The following CHD6 variants were observed in gnomAD, a reference collection of about 807,000 sequenced individuals.
The protein encoded by CHD6 is chromodomain helicase DNA binding protein 6, also known as ATP-dependent chromatin remodeler CHD6.
CHD6 carries 50 observed loss-of-function variants against 276.9 expected under a neutral mutation model. The observed-to-expected ratio is 0.18, with a 90% confidence interval of 0.14 to 0.23. The LOEUF (loss-of-function observed/expected upper bound fraction) is 0.23, where lower values mean the gene tolerates loss of function less well. CHD6 is among the 10% of genes least tolerant of loss of function. CHD6 has a pLI of 1.00. For synonymous variants in CHD6, 1,173 were observed against 1,229.3 expected, an observed-to-expected ratio of 0.95 and a Z score of 0.96; for missense variants, 2,564 against 3,365.8, an observed-to-expected ratio of 0.76 and a Z score of 5.89.
At chr20:41,614,082 A>G (rs1294790347) in intron 1 of CHD6, among the ~76,000 whole-genome samples, 1 of 152,184 alleles carries the variant, frequency 6.6e-6, no homozygotes, top group Admixed American at 6.5e-5. Context: ...TATATTAAAA[A>G]TTTAACTACT....
chr20:41,434,883 C>A (rs1377967465), intron 27 of CHD6, among the ~76,000 whole-genome samples: 1 of 152,184 alleles, frequency 6.6e-6, no homozygotes, highest in African/African-American at 2.4e-5. Context: ...ACCTAGTCAA[C>A]ATTTATGAAA....
intron 29 of CHD6, among the ~76,000 whole-genome samples, chr20:41,424,037 A>G (rs1410718249): frequency 6.6e-6 from 1 of 151,932 alleles, no homozygotes; most frequent in Non-Finnish European, 1.5e-5. Flanking sequence ...GATGATGAAG[A>G]TTTTTAAAAT....
At chr20:41,476,579 G>A (rs989059670) in intron 16 of CHD6, among the ~76,000 whole-genome samples, 1 of 152,148 alleles carries the variant, frequency 6.6e-6, no homozygotes, top group African/African-American at 2.4e-5. Context: ...AAAATACTTA[G>A]GATTTAATTC....
At chr20:41,558,381 C>T (rs146537181) in intron 1 of CHD6, among the ~76,000 whole-genome samples, 2 of 152,206 alleles carry the variant, frequency 1.3e-5, no homozygotes, top group African/African-American at 2.4e-5. Context: ...CAATCTATGG[C>T]GTCTGCCACA....
intron 26 of CHD6, among the ~76,000 whole-genome samples, chr20:41,438,809 GTCATATGGGCC>G (rs1409665290): frequency 6.6e-6 from 1 of 152,144 alleles, no homozygotes; most frequent in Non-Finnish European, 1.5e-5. Flanking sequence ...AGAATCACCA[GTCATATGGGCC>G]TCTGTTAACA....
chr20:41,435,326 T>G (rs1438088023), intron 27 of CHD6, among the ~76,000 whole-genome samples: 3 of 152,134 alleles, frequency 2.0e-5, no homozygotes, highest in African/African-American at 7.2e-5. Context: ...CTGGGCACAA[T>G]GGCTCATGCC....
At chr20:41,459,099 A>G (rs1454059560) in intron 17 of CHD6, among the ~76,000 whole-genome samples, 2 of 152,128 alleles carry the variant, frequency 1.3e-5, no homozygotes, top group African/African-American at 4.8e-5. Flanking sequence ...GAAAGGGGTA[A>G]GTCTAAGCAG....
At chr20:41,515,977 G>A (rs1157351281) in intron 3 of CHD6, among the ~76,000 whole-genome samples, 1 of 152,174 alleles carries the variant, frequency 6.6e-6, no homozygotes, top group Non-Finnish European at 1.5e-5. Context: ...GGGGAGATTT[G>A]AGAACATGCA....
chr20:41,503,548 T>A (rs1405580369), intron 5 of CHD6, among the ~76,000 whole-genome samples: 2 of 152,248 alleles, frequency 1.3e-5, no homozygotes, highest in African/African-American at 2.4e-5. Context: ...TAATACAATA[T>A]TATCCACCAG....
At chr20:41,423,808 C>A in intron 29 of CHD6, 108 bp from the exon 30 acceptor site, 1 of 845,574 alleles carries the variant, frequency 1.2e-6, no homozygotes, top group Admixed American at 2.4e-5. Flanking sequence ...AGAAAGGAGG[C>A]AGAGCTGGTT....
intron 1 of CHD6, among the ~76,000 whole-genome samples, chr20:41,562,009 T>C (rs535742843): frequency 4.9e-4 from 75 of 152,306 alleles, no homozygotes; most frequent in African/African-American, 1.7e-3. Context: ...TATTTCTTCA[T>C]AATTCCCTCC....
chr20:41,443,862 C>A (rs933006523), intron 25 of CHD6, among the ~76,000 whole-genome samples: 1 of 152,172 alleles, frequency 6.6e-6, no homozygotes, highest in African/African-American at 2.4e-5. Context: ...ATGACTTCTG[C>A]ATTTGGGGAC....
At chr20:41,471,680 C>T (rs1206346070) in intron 17 of CHD6, among the ~76,000 whole-genome samples, 2 of 151,916 alleles carry the variant, frequency 1.3e-5, no homozygotes, top group Non-Finnish European at 2.9e-5. Context: ...GGATTACAGG[C>T]ACCCACCACG....
intron 36 of CHD6, among the ~76,000 whole-genome samples, chr20:41,408,968 G>A (rs1292783886): frequency 1.3e-5 from 2 of 152,220 alleles, no homozygotes; most frequent in East Asian, 3.8e-4. Flanking sequence ...CTCAGGATCT[G>A]GGATGTCAAA....
chr20:41,515,048 A>C lies in CHD6; in HGVS notation c.555-96T>G, dbSNP rs2044218437. The C allele has an allele frequency of 2.2e-6, 3 of 1,335,534 alleles. No individual in the cohort carries two copies. In the South Asian group the frequency reaches 4.0e-5, roughly 18 times the overall value. 82.7% of individuals were successfully genotyped at this position (1,335,534 alleles called of 1,614,324 possible). Reference sequence around the variant, plus strand: ...TCATGAAATCACATCCTGGAATTCTAGGACCAGGGCAGGCTTTAATGGGGA... The same window carrying C: ...TCATGAAATCACATCCTGGAATTCTCGGACCAGGGCAGGCTTTAATGGGGA... On this transcript the variant is annotated intron_variant, in intron 3 of 36. Coordinates refer to ENST00000373233, the MANE Select transcript of CHD6 (RefSeq NM_032221.5).
At chr20:41,471,587 G>C (rs1267129720) in intron 17 of CHD6, among the ~76,000 whole-genome samples, 2 of 151,634 alleles carry the variant, frequency 1.3e-5, no homozygotes, top group Admixed American at 6.6e-5. Flanking sequence ...CCAGGCTGGA[G>C]TGCAGTGGCA....
intron 24 of CHD6, among the ~76,000 whole-genome samples, chr20:41,446,131 G>A (rs1279275694): frequency 6.6e-6 from 1 of 152,182 alleles, no homozygotes; most frequent in East Asian, 1.9e-4. Flanking sequence ...GACATCTGAA[G>A]GTAGAGCTTC....
At position 41,451,001 on chromosome 20, in the gene CHD6, C is replaced by T; in HGVS notation, c.3628G>A (p.Glu1210Lys). The T allele has an allele frequency of 1.2e-6, 2 of 1,613,882 alleles. No individual in the cohort carries two copies. Among genetic ancestry groups the T allele is most frequent in the South Asian group, 1.1e-5 (1 of 91,046 alleles). Residue 1210 changes from glutamate (E) to lysine (K), a missense_variant, in exon 23 of 37, where the codon GAG becomes AAG. By Grantham distance (56) the Glu-to-Lys change is moderately conservative. This residue lies in a region of CHD6 where 515 missense variants were observed against 739.5 expected (regional missense o/e 0.70). Coordinates refer to ENST00000373233, the MANE Select transcript of CHD6 (RefSeq NM_032221.5). The part of the protein sequence containing the change: ...DADWLATCNP[E>K]VVLHDDGYKK... ...TAGCCATCATCATGCAAGACCACCT[C>T]GGGGTTGCAGGTGGCTAGCCAATCT...
intron 26 of CHD6, among the ~76,000 whole-genome samples, chr20:41,437,945 C>T (rs899147173): frequency 6.6e-6 from 1 of 152,180 alleles, no homozygotes; most frequent in Non-Finnish European, 1.5e-5. Context: ...CATGAGGCTC[C>T]AGCCTCACGT....
Sources: gnomAD v4.1 joint callset for allele counts (sites outside exome capture counted in the v4.1 genomes callset) on GRCh38, gnomAD v4.1.1 for gene constraint, gnomAD v4.1.1 regional missense constraint, MANE v1.5 for transcripts, NCBI Gene and HGNC (gene_info 2026-07-23, HGNC 2026-07-21) for gene names.